Variants in IRF3 observed in about 807,000 individuals in gnomAD.
IRF3 encodes interferon regulatory factor 3.
In IRF3, 29 loss-of-function variants were observed where a neutral mutation model predicts 43.2. That is an observed-to-expected ratio of 0.67 (90% CI 0.50 to 0.91). IRF3 has a LOEUF of 0.91. IRF3 is among the 40% of genes least tolerant of loss of function. IRF3 has a pLI of 0.00. For missense variants in IRF3, 505 were observed against 559.1 expected, an observed-to-expected ratio of 0.90 and a Z score of 0.98; for synonymous variants, 228 against 233.9, an observed-to-expected ratio of 0.97 and a Z score of 0.23.
chr19:49,664,509 G>A lies in IRF3; in HGVS notation c.165+165C>T, dbSNP rs778517477. 9 of 1,572,496 alleles carry A rather than the reference G, an allele frequency of 5.7e-6. No individual in the cohort carries two copies. The African/African-American group carries it at 1.2e-4, about 21-fold the overall frequency. On this transcript the variant is annotated intron_variant, in intron 2 of 7. Coordinates refer to ENST00000377139, the MANE Select transcript of IRF3 (RefSeq NM_001571.6). ...CCTGCTTGCGCCCCACCATCAGTCA[G>A]CGGATCCGGCTAGCCCCGCCCCTCC...
chr19:49,660,027 A>ACACACACCCCC (rs57168131), intron 7 of IRF3, among the ~76,000 whole-genome samples, 194 bp from the exon 8 acceptor site: 3 of 74,716 alleles, frequency 4.0e-5, no homozygotes, highest in African/African-American at 3.0e-4. Flanking sequence ...ACACACACAC[A>ACACACACCCCC]CCCCCTGCTG....
At position 49,663,361 on chromosome 19, in the gene IRF3, A is replaced by G. The variant is rs1242144936; in HGVS notation, c.319T>C (p.Tyr107His). 6.2e-7 allele frequency: 1 copy of G among 1,614,118 alleles called. No individual in the cohort carries two copies. The highest frequency in any genetic ancestry group is 8.5e-7 in the Non-Finnish European group (1 of 1,180,044). ...SKDPHDPHKI[Y>H]EFVNSGVGDF... ...GGCAGACCTGAGTTCACAAACTCGT[A>G]GATTTTATGTGGGTCGTGAGGGTCC... Residue 107 changes from tyrosine (Y) to histidine (H), a missense_variant, in exon 3 of 8, where the codon TAC (tyrosine) becomes CAC (histidine). Physicochemically the swap from Tyr to His is moderately conservative, Grantham distance 83. Coordinates refer to ENST00000377139, the MANE Select transcript of IRF3 (RefSeq NM_001571.6).
In IRF3 at chr19:49,664,683, T is replaced by C; in HGVS notation, c.156A>G (p.Gly52=). The change falls in exon 2 of 8, where the codon GGA becomes GGG. Residue 52 remains glycine, a synonymous_variant. Coordinates refer to ENST00000377139, the MANE Select transcript of IRF3 (RefSeq NM_001571.6). ...AGGTCGTCGCACGCACCTGGAAGAT[T>C]CCGAAATCCTCCTGCTGTGCATCCT... ...LRQDAQQEDF[G]IFQAWAEATG... 2 of 1,613,482 alleles carry C rather than the reference T, an allele frequency of 1.2e-6. No individual in the cohort carries two copies. The highest frequency in any genetic ancestry group is 1.1e-5 in the South Asian group (1 of 91,068).
chr19:49,660,143 C>G (rs1170730493), intron 7 of IRF3, among the ~76,000 whole-genome samples: 1 of 151,840 alleles, frequency 6.6e-6, no homozygotes, highest in Non-Finnish European at 1.5e-5. Context: ...ATCTTGACTC[C>G]TGGGAGCCAC....
intron 6 of IRF3, chr19:49,661,414 C>T (rs1275981197): frequency 6.4e-6 from 1 of 156,146 alleles, no homozygotes; most frequent in East Asian, 1.9e-4. Flanking sequence ...CAGCTAATTC[C>T]CTGAGCAGGC....
chr19:49,663,647 C>A (rs2081465828), intron 2 of IRF3, 133 bp from the exon 3 acceptor site: 2 of 808,926 alleles, frequency 2.5e-6, no homozygotes, highest in Non-Finnish European at 3.8e-6. Context: ...GGTCCATCCC[C>A]AAATCCCCCC....
At chr19:49,664,367 T>G in intron 2 of IRF3, 6 of 1,069,954 alleles carry the variant, frequency 5.6e-6, no homozygotes, top group Non-Finnish European at 7.8e-6. Flanking sequence ...CATCCCCCAG[T>G]ATCTATCCTA....
chr19:49,663,057 CAG>C, intron 4 of IRF3, 129 bp downstream of exon 4: 3 of 819,338 alleles, frequency 3.7e-6, no homozygotes, highest in Non-Finnish European at 6.3e-6. Flanking sequence ...CAGGGACAGA[CAG>C]GGTCAGCACT....
rs2081684435 is a variant in IRF3, at chr19:49,665,633, A to G, written c.-11T>C. 7.3e-6 allele frequency: 5 copies of G among 687,658 alleles called. 1 individual carries two copies. In the Admixed American group the frequency reaches 8.9e-5, roughly 12 times the overall value. 42.6% of individuals were successfully genotyped at this position (687,658 alleles called of 1,614,324 possible). ...TCTCCCGGGCTCTTCCGCGTTACCT[A>G]CGATGGAAGGTCGGGGCGTGCGGGC... On this transcript the variant is annotated splice_region_variant and 5_prime_UTR_variant, in exon 1 of 8. Transcript: ENST00000377139.
At chr19:49,662,703 C>T in intron 4 of IRF3, 86 bp from the exon 5 acceptor site, 1 of 1,117,570 alleles carries the variant, frequency 8.9e-7, no homozygotes, top group Non-Finnish European at 1.3e-6. Flanking sequence ...CTCAGCAACG[C>T]AGGGAGGTCA....
intron 6 of IRF3, 80 bp downstream of exon 6, chr19:49,661,868 C>A: frequency 3.3e-6 from 5 of 1,504,946 alleles, no homozygotes; most frequent in Non-Finnish European, 4.5e-6. Flanking sequence ...CGTGAGCCAC[C>A]GTGCCCGGCC....
intron 2 of IRF3, chr19:49,664,385 G>T: frequency 7.9e-7 from 1 of 1,264,894 alleles, no homozygotes. Context: ...CTACAACCAA[G>T]AGCCCCGGCC....
Position 49,664,719 on chromosome 19 carries a change from G to T in IRF3, c.120C>A (p.His40Gln). 1.2e-6 allele frequency: 2 copies of T among 1,614,080 alleles called. No homozygotes were observed. The highest frequency in any genetic ancestry group is 1.7e-6 in the Non-Finnish European group (2 of 1,179,974). The change falls in exon 2 of 8, where the codon CAC becomes CAA. Residue 40 changes from histidine to glutamine, a missense_variant. Physicochemically the swap from His to Gln is conservative, Grantham distance 24. Transcript: ENST00000377139. ...SRTRFRIPWK[H>Q]GLRQDAQQED... The stretch of plus-strand genomic sequence containing the variant: ...CCTGCTGTGCATCCTGCCGTAGGCC[G>T]TGCTTCCAAGGGATGCGGAAGCGCG...
intron 7 of IRF3, among the ~76,000 whole-genome samples, chr19:49,660,097 C>CA (rs2081252201): frequency 6.6e-6 from 1 of 151,602 alleles, no homozygotes; most frequent in African/African-American, 2.4e-5. Flanking sequence ...CACACAAACA[C>CA]ACACACACAC....
intron 1 of IRF3, 40 bp from the exon 2 acceptor site, chr19:49,664,886 C>G (rs1306904443): frequency 6.3e-7 from 1 of 1,577,274 alleles, no homozygotes; most frequent in Non-Finnish European, 8.6e-7. Flanking sequence ...ACCGGCCTCC[C>G]CCGGACCCAC....
Position 49,662,415 on chromosome 19 carries a change from T to G in IRF3, c.601+10A>C, listed in dbSNP as rs754305650. ...GACCTCAGCCCTCCCAGCCTGCAGCTGACACTCACCTTCCCCCGGCACCAA... is the reference window on the plus strand; with the variant it reads ...GACCTCAGCCCTCCCAGCCTGCAGCGGACACTCACCTTCCCCCGGCACCAA... On this transcript the variant is annotated intron_variant, in intron 5 of 7. Transcript: ENST00000377139. The G allele has an allele frequency of 5.6e-6, 9 of 1,593,062 alleles. No individual in the cohort carries two copies. Among genetic ancestry groups the G allele is most frequent in the Non-Finnish European group, 7.7e-6 (9 of 1,169,406 alleles).
rs1568452113 is a variant in IRF3 at position 49,660,029 on chromosome 19, C to CACACACACACACACA, written c.1099-197_1099-196insTGTGTGTGTGTGTGT. 6.6e-4 allele frequency among the ~76,000 whole-genome samples: 32 copies of CACACACACACACACA among 48,564 alleles called. 1 individual carries two copies. The highest frequency in any genetic ancestry group is 1.1e-3 in the Admixed American group (6 of 5,342). 31.9% of individuals were successfully genotyped at this position (48,564 alleles called of 152,430 possible). ...CACACACACACACACACACACACAC[C>CACACACACACACACA]CCCTGCTGTAACTGAACCATAGGCC... is the stretch of plus-strand genomic sequence containing the variant. On this transcript the variant is annotated intron_variant, in intron 7 of 7. Coordinates refer to ENST00000377139, the MANE Select transcript of IRF3 (RefSeq NM_001571.6).
chr19:49,665,809 C>A lies in IRF3; in HGVS notation c.-187G>T. On this transcript the variant is annotated 5_prime_UTR_variant, in exon 1 of 8. Transcript: ENST00000377139. ...ACCAACTTTATCATTCTTTGGGTAA[C>A]AGACCCAAAAGCCGATGGGACGGCC... The A allele has an allele frequency of 6.3e-7, 1 of 1,579,810 alleles. No individual in the cohort carries two copies. Among genetic ancestry groups the A allele is most frequent in the Non-Finnish European group, 8.7e-7 (1 of 1,155,928 alleles).
chr19:49,663,335 T>C lies in IRF3; in HGVS notation c.337+8A>G. Reference sequence around the variant, plus strand: ...CCAGCCTCCCACACGAACCCCAAGCTGGCAGACCTGAGTTCACAAACTCGT... The same window carrying C: ...CCAGCCTCCCACACGAACCCCAAGCCGGCAGACCTGAGTTCACAAACTCGT... On this transcript the variant is annotated splice_region_variant and intron_variant, in intron 3 of 7. Coordinates refer to ENST00000377139, the MANE Select transcript of IRF3 (RefSeq NM_001571.6). The C allele has an allele frequency of 6.2e-7, 1 of 1,614,154 alleles. No homozygotes were observed. The highest frequency in any genetic ancestry group is 8.5e-7 in the Non-Finnish European group (1 of 1,179,994).
Sources: allele counts gnomAD v4.1 joint callset (sites outside exome capture counted in the v4.1 genomes callset), GRCh38; gene constraint gnomAD v4.1.1; transcripts MANE v1.5; gene names NCBI Gene and HGNC (gene_info 2026-07-23, HGNC 2026-07-21).